The following DDR2 variants were observed in gnomAD, a reference collection of about 807,000 sequenced individuals.
The protein encoded by DDR2 is discoidin domain receptor tyrosine kinase 2.
A neutral mutation model predicts 94.9 loss-of-function variants in DDR2; 27 were observed. That is an observed-to-expected ratio of 0.28 (90% CI 0.21 to 0.39). DDR2 has a LOEUF of 0.39. Among genes scored for constraint, DDR2 ranks in the 10% least tolerant of loss-of-function variants. The pLI is 1.00. For missense variants in DDR2, 783 were observed against 1,076.0 expected, an observed-to-expected ratio of 0.73 and a Z score of 3.81; for synonymous variants, 382 against 377.2, an observed-to-expected ratio of 1.01 and a Z score of -0.15.
chr1:162,672,923 A>G (rs1013326350), intron 2 of DDR2, among the ~76,000 whole-genome samples: 7 of 152,108 alleles, frequency 4.6e-5, no homozygotes, highest in Non-Finnish European at 7.4e-5. Flanking sequence ...AGCTCATACA[A>G]ATGATTTCTG....
chr1:162,767,490 C>T (rs968827325), intron 11 of DDR2, 131 bp downstream of exon 11: 2 of 1,358,816 alleles, frequency 1.5e-6, no homozygotes, highest in African/African-American at 2.9e-5. Flanking sequence ...TACCAAGAAA[C>T]ATAGGAATGA....
Position 162,766,053 on chromosome 1 carries a change from C to T in DDR2, c.1152C>T (p.Pro384=). The change falls in exon 10 of 18, where the codon CCC becomes CCT. Residue 384 remains proline (P), a synonymous_variant. Transcript: ENST00000367921. ...SEALPTSPMA[P]TTYDPMLKVD... ...CCCTGCCCACCTCTCCTATGGCACC[C>T]ACAACCTATGGTATATGTGATTCCT... The T allele has an allele frequency of 6.2e-7, 1 of 1,613,906 alleles. No individual in the cohort carries two copies. The highest frequency in any genetic ancestry group is 8.5e-7 in the Non-Finnish European group (1 of 1,179,974).
In DDR2 at chr1:162,753,212, A is replaced by G. The variant is rs1212862365; in HGVS notation, c.185+15A>G. On this transcript the variant is annotated intron_variant, in intron 4 of 17. Coordinates refer to ENST00000367921, the MANE Select transcript of DDR2 (RefSeq NM_006182.4). Reference sequence around the variant, plus strand: ...AAATATGGAAGGTGAGGATGGTTACATCAAGAAAGCCCATGTTCTGGGGTT... The same window carrying G: ...AAATATGGAAGGTGAGGATGGTTACGTCAAGAAAGCCCATGTTCTGGGGTT... The G allele has an allele frequency of 6.2e-7, 1 of 1,610,220 alleles. No individual in the cohort carries two copies. The highest frequency in any genetic ancestry group is 8.5e-7 in the Non-Finnish European group (1 of 1,177,176).
intron 3 of DDR2, among the ~76,000 whole-genome samples, chr1:162,745,348 C>G (rs946963176): frequency 3.3e-5 from 5 of 152,068 alleles, no homozygotes; most frequent in African/African-American, 9.7e-5. Flanking sequence ...AATTGTAGTT[C>G]CGCCTGTTTT....
At chr1:162,661,573 G>A (rs1276787457) in intron 2 of DDR2, among the ~76,000 whole-genome samples, 2 of 152,176 alleles carry the variant, frequency 1.3e-5, no homozygotes, top group African/African-American at 2.4e-5. Flanking sequence ...AGCATACAGA[G>A]ACAGAAGGCA....
intron 2 of DDR2, among the ~76,000 whole-genome samples, chr1:162,660,779 G>C (rs1020418675): frequency 6.6e-6 from 1 of 152,172 alleles, no homozygotes; most frequent in African/African-American, 2.4e-5. Context: ...CATCCAGCCT[G>C]CCACCTCTTT....
intron 1 of DDR2, among the ~76,000 whole-genome samples, chr1:162,645,182 G>A (rs1657347446): frequency 6.6e-6 from 1 of 152,196 alleles, no homozygotes; most frequent in Non-Finnish European, 1.5e-5. Context: ...AGAGAGACAG[G>A]TGATGATAGA....
chr1:162,688,617 T>C (rs980016577), intron 2 of DDR2, among the ~76,000 whole-genome samples: 1 of 152,162 alleles, frequency 6.6e-6, no homozygotes, highest in Non-Finnish European at 1.5e-5. Flanking sequence ...TTTATACATG[T>C]CTCTATTAAA....
chr1:162,643,958 T>G (rs1657282365), intron 1 of DDR2, among the ~76,000 whole-genome samples: 1 of 152,136 alleles, frequency 6.6e-6, no homozygotes, highest in Admixed American at 6.5e-5. Context: ...GCTCCATATT[T>G]GTTACCCGCA....
intron 2 of DDR2, among the ~76,000 whole-genome samples, chr1:162,686,721 C>T (rs140092989): frequency 0.014 from 2,178 of 152,190 alleles, 43 homozygotes; most frequent in African/African-American, 0.05. Flanking sequence ...ATAATCCTTT[C>T]GATATATACC....
intron 4 of DDR2, among the ~76,000 whole-genome samples, chr1:162,753,476 G>A (rs966686642): frequency 5.9e-5 from 9 of 152,172 alleles, no homozygotes; most frequent in Non-Finnish European, 1.2e-4. Flanking sequence ...AAGTGGATTT[G>A]CTTTCCCTGA....
At chr1:162,685,907 A>G (rs957808964) in intron 2 of DDR2, among the ~76,000 whole-genome samples, 3 of 152,230 alleles carry the variant, frequency 2.0e-5, no homozygotes, top group African/African-American at 4.8e-5. Context: ...GCTGAGATTC[A>G]TAATCCAGTA....
At chr1:162,746,681 C>T (rs538518778) in intron 3 of DDR2, among the ~76,000 whole-genome samples, 1 of 152,298 alleles carries the variant, frequency 6.6e-6, no homozygotes, top group South Asian at 2.1e-4. Context: ...TCAAGTGGGT[C>T]CCTGACCCCC....
intron 2 of DDR2, among the ~76,000 whole-genome samples, chr1:162,668,019 G>A (rs1658665288): frequency 1.3e-5 from 2 of 152,308 alleles, no homozygotes; most frequent in Admixed American, 1.3e-4. Flanking sequence ...AAGTGAGGTA[G>A]GGGGAGTGGG....
At chr1:162,663,934 C>T (rs1311034225) in intron 2 of DDR2, among the ~76,000 whole-genome samples, 2 of 152,122 alleles carry the variant, frequency 1.3e-5, no homozygotes, top group East Asian at 1.9e-4. Context: ...AGCCTCAGCA[C>T]GTGGACTTGA....
chr1:162,693,301 T>C (rs1022382180), intron 2 of DDR2, among the ~76,000 whole-genome samples: 3 of 152,214 alleles, frequency 2.0e-5, no homozygotes, highest in Non-Finnish European at 4.4e-5. Flanking sequence ...ATTTGTGTAC[T>C]TTTCTGTATA....
In DDR2 at chr1:162,770,390, C is replaced by T. The variant is rs140710321; in HGVS notation, c.1382C>T (p.Ser461Leu). 4.3e-4 allele frequency: 689 copies of T among 1,614,136 alleles called. 5 individuals carry two copies. In the African/African-American group the frequency reaches 8.3e-3, roughly 20 times the overall value. Reference protein sequence around the residue: ...SSMFNNNRSSSPSEQGSNSTY... With the variant: ...SSMFNNNRSSLPSEQGSNSTY... ...ATGTTCAACAATAACCGCTCCTCAT[C>T]ACCTAGTGAACAAGGGTCCAACTCG... Residue 461 changes from serine (S) to leucine (L), a missense_variant, in exon 12 of 18, where the codon TCA (serine) becomes TTA (leucine). Coordinates refer to ENST00000367921, the MANE Select transcript of DDR2 (RefSeq NM_006182.4).
At chr1:162,643,030 C>G (rs1235915586) in intron 1 of DDR2, among the ~76,000 whole-genome samples, 1 of 152,144 alleles carries the variant, frequency 6.6e-6, no homozygotes, top group Non-Finnish European at 1.5e-5. Context: ...TGAAAAGTTG[C>G]TTTCTAATCC....
intron 3 of DDR2, among the ~76,000 whole-genome samples, chr1:162,746,348 C>A (rs181424240): frequency 6.6e-6 from 1 of 152,326 alleles, no homozygotes; most frequent in East Asian, 1.9e-4. Context: ...GAGGGTCCCA[C>A]GCCCACGGAG....
Sources: allele counts gnomAD v4.1 joint callset (sites outside exome capture counted in the v4.1 genomes callset), GRCh38; gene constraint gnomAD v4.1.1; transcripts MANE v1.5; gene names NCBI Gene and HGNC (gene_info 2026-07-23, HGNC 2026-07-21).